The following CNDP2 variants were observed in gnomAD, a reference collection of about 807,000 sequenced individuals.
CNDP2 encodes the protein cytosolic non-specific dipeptidase.
In CNDP2, 38 loss-of-function variants were observed where a neutral mutation model predicts 55.0. The ratio of observed to expected loss-of-function variants is 0.69; its 90% CI spans 0.53 to 0.90. The LOEUF (loss-of-function observed/expected upper bound fraction) is 0.90. CNDP2 is among the 40% of genes least tolerant of loss of function. The pLI, the probability that CNDP2 is intolerant of heterozygous loss-of-function variation, is 0.00. For synonymous variants in CNDP2, 241 were observed against 260.2 expected (o/e 0.93, Z 0.71); for missense variants, 607 against 621.7 (o/e 0.98, Z 0.25).
chr18:74,510,379 CG>C (rs1272026257), intron 5 of CNDP2, among the ~76,000 whole-genome samples: 2 of 152,308 alleles, frequency 1.3e-5, no homozygotes, highest in African/African-American at 4.8e-5. Context: ...TCCAGACACA[CG>C]GCAAGGTGGG....
At chr18:74,514,689 G>T (rs1979567081) in intron 8 of CNDP2, among the ~76,000 whole-genome samples, 1 of 150,914 alleles carries the variant, frequency 6.6e-6, no homozygotes, top group African/African-American at 2.5e-5. Flanking sequence ...GCAGGCTATA[G>T]GTTTATGTGG....
At chr18:74,519,513 G>T (rs1472361141) in intron 11 of CNDP2, among the ~76,000 whole-genome samples, 1 of 152,220 alleles carries the variant, frequency 6.6e-6, no homozygotes, top group African/African-American at 2.4e-5. Flanking sequence ...AGCAGGAGGG[G>T]CCCACCAGGC....
chr18:74,501,357 G>A lies in CNDP2; in HGVS notation c.89G>A (p.Ser30Asn). 1 of 1,613,868 alleles carries A rather than the reference G, an allele frequency of 6.2e-7. No homozygotes were observed. Among genetic ancestry groups the A allele is most frequent in the Non-Finnish European group, 8.5e-7 (1 of 1,179,892 alleles). Residue 30 changes from serine (S) to asparagine (N), a missense_variant, in exon 3 of 12, where the codon AGT becomes AAT. By Grantham distance (46) the Ser-to-Asn change is conservative (BLOSUM62 1). Coordinates refer to ENST00000324262, the MANE Select transcript of CNDP2 (RefSeq NM_018235.3). ...CTCGCAAAATGGGTGGCTATCCAGA[G>A]TGTGTCTGCGTGGCCGGAGAAGAGA... Reference protein sequence around the residue: ...KKLAKWVAIQSVSAWPEKRGE... With the variant: ...KKLAKWVAIQNVSAWPEKRGE...
chr18:74,517,433 A>G (rs1327076574), intron 9 of CNDP2: 1 of 152,118 alleles, frequency 6.6e-6, no homozygotes, highest in Non-Finnish European at 1.5e-5. Flanking sequence ...GCACCTGCTC[A>G]GATGTTACAT....
Position 74,518,626 on chromosome 18 carries a change from G to C in CNDP2, c.1196G>C (p.Arg399Thr). The C allele has an allele frequency of 6.2e-7, 1 of 1,614,216 alleles. No individual in the cohort carries two copies. Among genetic ancestry groups the C allele is most frequent in the African/African-American group, 1.3e-5 (1 of 75,072 alleles). Residue 399 changes from arginine (R) to threonine (T), a missense_variant, in exon 10 of 12, where the codon AGA becomes ACA. By Grantham distance (71) the Arg-to-Thr change is moderately conservative. Transcript: ENST00000324262. Reference sequence around the variant, plus strand: ...CACCCTCATTACCTGGCTGGGAGAAGAGCCATGAAGACAGGTTGGACGCTC... The same window carrying C: ...CACCCTCATTACCTGGCTGGGAGAACAGCCATGAAGACAGGTTGGACGCTC... ...FSHPHYLAGR[R>T]AMKTVFGVEP... is the part of the protein sequence containing the mutation.
Position 74,512,544 on chromosome 18 carries a change from A to T in CNDP2, c.742+12A>T, listed in dbSNP as rs542100806. On this transcript the variant is annotated intron_variant, in intron 7 of 11. Transcript: ENST00000324262. ...CATTTTGCTGATGGGTAAGTGCGGG[A>T]TGGCATTCAGTCCGCAGTTGAGGGG... 7 of 1,611,786 alleles carry T rather than the reference A, an allele frequency of 4.3e-6. No individual in the cohort carries two copies. The African/African-American group carries it at 6.7e-5, about 15-fold the overall frequency.
intron 8 of CNDP2, among the ~76,000 whole-genome samples, chr18:74,515,406 G>A (rs1276218620): frequency 6.6e-6 from 1 of 152,130 alleles, no homozygotes; most frequent in Non-Finnish European, 1.5e-5. Context: ...GGGGAGGAGC[G>A]GGCCTGGGAG....
intron 3 of CNDP2, among the ~76,000 whole-genome samples, chr18:74,504,075 G>C: frequency 6.9e-6 from 1 of 145,194 alleles, no homozygotes; most frequent in African/African-American, 2.6e-5. Context: ...TGCACACGCA[G>C]CCACAGTGCC....
chr18:74,497,774 C>T (rs1978489749), intron 1 of CNDP2: 2 of 152,172 alleles, frequency 1.3e-5, no homozygotes, highest in Admixed American at 6.5e-5. Context: ...GACAGAATGA[C>T]AACCTGTCTC....
chr18:74,518,391 G>T, intron 9 of CNDP2, 108 bp from the exon 10 acceptor site: 2 of 1,311,858 alleles, frequency 1.5e-6, no homozygotes, highest in Non-Finnish European at 2.2e-6. Flanking sequence ...GTCAGAGGCC[G>T]ATTGTAAGCT....
chr18:74,517,965 A>T (rs774853188), intron 9 of CNDP2: 1 of 152,280 alleles, frequency 6.6e-6, no homozygotes, highest in African/African-American at 2.4e-5. Flanking sequence ...ACTGGGTTTT[A>T]TTTTTTGATA....
rs570614175 is a variant in CNDP2 at position 74,509,818 on chromosome 18, C to CA, written c.456+891dup. Among the ~76,000 whole-genome samples, 10 of 152,324 alleles carry CA rather than the reference C, an allele frequency of 6.6e-5. No individual in the cohort carries two copies. The East Asian group carries it at 1.7e-3, about 26-fold the overall frequency. On this transcript the variant is annotated intron_variant, in intron 5 of 11. Transcript: ENST00000324262. ...TGATCATGCTGTATAGACATCTTTG[C>CA]ATCTTGCTTTTATCTTGTATCATGG...
Position 74,512,491 on chromosome 18 carries a change from G to C in CNDP2, c.701G>C (p.Gly234Ala). Residue 234 changes from glycine (G) to alanine (A), a missense_variant, in exon 7 of 12, where the codon GGC (glycine) becomes GCC (alanine). Transcript: ENST00000324262. ...NKDLHSGVYG[G>A]SVHEAMTDLI... ...GACCTCCATTCTGGGGTGTACGGGG[G>C]CTCGGTGCATGAGGCCATGACTGAT... 6.2e-7 allele frequency: 1 copy of C among 1,614,020 alleles called. No individual in the cohort carries two copies. The highest frequency in any genetic ancestry group is 8.5e-7 in the Non-Finnish European group (1 of 1,179,956).
chr18:74,513,471 C>G (rs999547456), intron 7 of CNDP2, 88 bp from the exon 8 acceptor site: 8 of 1,390,860 alleles, frequency 5.8e-6, no homozygotes, highest in Non-Finnish European at 7.6e-6. Flanking sequence ...CTCTCCTGAG[C>G]CTGGCTTCCT....
At chr18:74,518,451 A>G (rs1467353591) in intron 9 of CNDP2, 48 bp from the exon 10 acceptor site, 3 of 1,609,440 alleles carry the variant, frequency 1.9e-6, no homozygotes, top group Non-Finnish European at 2.6e-6. Flanking sequence ...ACTGGATCAA[A>G]TGCAAGCTTA....
At position 74,521,058 on chromosome 18, in the gene CNDP2, C is replaced by T. The variant is rs1230103772; in HGVS notation, c.*990C>T. Reference sequence around the variant, plus strand: ...TTTAGTATGATCCCTCAAAACCTCACTAACTGGAAGGATGATTTTGTCTCA... The same window carrying T: ...TTTAGTATGATCCCTCAAAACCTCATTAACTGGAAGGATGATTTTGTCTCA... On this transcript the variant is annotated 3_prime_UTR_variant, in exon 12 of 12. Transcript: ENST00000324262. 1 of 152,234 alleles carries T rather than the reference C, an allele frequency of 6.6e-6. No homozygotes were observed. The highest frequency in any genetic ancestry group is 1.9e-4 in the East Asian group (1 of 5,198). The allele number at this position is 152,234 out of a possible 1,614,324, so 9.4% of individuals were successfully genotyped here.
chr18:74,508,731 C>CCTCT (rs1256270450), intron 4 of CNDP2, 109 bp from the exon 5 acceptor site: 2 of 787,620 alleles, frequency 2.5e-6, no homozygotes, highest in Middle Eastern at 2.5e-4. Context: ...GAAGGGGAAG[C>CCTCT]CTCTCTCGTG....
chr18:74,514,380 T>G (rs1430974162), intron 8 of CNDP2, among the ~76,000 whole-genome samples: 1 of 152,100 alleles, frequency 6.6e-6, no homozygotes, highest in Non-Finnish European at 1.5e-5. Flanking sequence ...AGATGTAAGT[T>G]CTGCAGGCTG....
intron 4 of CNDP2, 159 bp downstream of exon 4, chr18:74,506,170 G>A (rs1178168315): frequency 4.6e-6 from 3 of 646,612 alleles, no homozygotes; most frequent in Non-Finnish European, 6.5e-6. Flanking sequence ...GTCTCACTCT[G>A]TAGCTCAGGC....
Sources: allele counts gnomAD v4.1 joint callset (sites outside exome capture counted in the v4.1 genomes callset), GRCh38; gene constraint gnomAD v4.1.1; transcripts MANE v1.5; gene names NCBI Gene and HGNC (gene_info 2026-07-23, HGNC 2026-07-21).